Variants in SLC9A1 observed in about 807,000 individuals in gnomAD.
SLC9A1 encodes solute carrier family 9 member A1.
In SLC9A1, 22 loss-of-function variants were observed where a neutral mutation model predicts 67.9. The ratio of observed to expected loss-of-function variants is 0.32; its 90% CI spans 0.23 to 0.46. The LOEUF (loss-of-function observed/expected upper bound fraction) is 0.46. Among genes scored for constraint, SLC9A1 ranks in the 20% least tolerant of loss-of-function variants. The pLI, the probability that SLC9A1 is intolerant of heterozygous loss-of-function variation, is 1.00. For missense variants in SLC9A1, 686 were observed against 1,094.8 expected, an observed-to-expected ratio of 0.63 and a Z score of 5.27; for synonymous variants, 421 against 471.8, an observed-to-expected ratio of 0.89 and a Z score of 1.40.
At chr1:27,105,593 C>T (rs1196357305) in intron 5 of SLC9A1, 27 of 649,000 alleles carry the variant, frequency 4.2e-5, no homozygotes, top group Admixed American at 3.7e-4. Context: ...TCACCGTGCC[C>T]GGCCAGTACC....
intron 5 of SLC9A1, 136 bp downstream of exon 5, chr1:27,105,749 G>A (rs757073636): frequency 1.5e-5 from 12 of 783,362 alleles, no homozygotes; most frequent in Admixed American, 6.0e-5. Context: ...GGAGTGGCTC[G>A]CCCAAGGTCA....
chr1:27,104,478 C>T (rs1000560470), intron 5 of SLC9A1, among the ~76,000 whole-genome samples: 2 of 152,178 alleles, frequency 1.3e-5, no homozygotes, highest in African/African-American at 4.8e-5. Flanking sequence ...GCCTCAATCT[C>T]CTGGGCTCAA....
rs1270466131 is a variant in SLC9A1, at chr1:27,114,913, T to C, written c.353-627A>G. ...TGGGGTCTGCAAACCTGCAAAACAG[T>C]AGGCTTTCCTACTGAGTCCAGGCAG... On this transcript the variant is annotated intron_variant, in intron 1 of 11. Transcript: ENST00000263980. This position sits in a 1 kb window ranked among gnomAD's most constrained non-coding sequence, Gnocchi z 5.4. 6.6e-6 allele frequency among the ~76,000 whole-genome samples: 1 copy of C among 152,096 alleles called. No homozygotes were observed. Among genetic ancestry groups the C allele is most frequent in the Non-Finnish European group, 1.5e-5 (1 of 68,006 alleles).
chr1:27,131,947 A>AAAAAATATATATATATAT, intron 1 of SLC9A1, among the ~76,000 whole-genome samples: 4 of 52,122 alleles, frequency 7.7e-5, no homozygotes, highest in African/African-American at 2.5e-4. Context: ...AGAAAAAAAA[A>AAAAAATATATATATATAT]ATATATATAT....
intron 1 of SLC9A1, among the ~76,000 whole-genome samples, chr1:27,132,608 T>A (rs1397484593): frequency 6.6e-6 from 1 of 152,176 alleles, no homozygotes; most frequent in Non-Finnish European, 1.5e-5. Context: ...GCAGAGAGCC[T>A]AGCATAGGAC....
intron 1 of SLC9A1, among the ~76,000 whole-genome samples, chr1:27,149,139 C>T (rs998117125): frequency 4.6e-5 from 7 of 152,202 alleles, no homozygotes; most frequent in East Asian, 3.8e-4. Flanking sequence ...CTCCCACCAA[C>T]GACATGTGCC....
In SLC9A1 at chr1:27,126,877, T is replaced by C. The variant is rs567884811; in HGVS notation, c.353-12591A>G. ...ACATGGACACTAAGCTCCAGCTGAA[T>C]TGGCCTTTTCCTTGAAGGAAGGGTG... is the stretch of plus-strand genomic sequence containing the variant. On this transcript the variant is annotated intron_variant, in intron 1 of 11. Transcript: ENST00000263980. Among the ~76,000 whole-genome samples the C allele has an allele frequency of 1.1e-4, 17 of 152,358 alleles. No individual in the cohort carries two copies. The East Asian group carries it at 3.1e-3, about 28-fold the overall frequency.
chr1:27,127,137 A>C (rs1462121132), intron 1 of SLC9A1, among the ~76,000 whole-genome samples: 1 of 152,136 alleles, frequency 6.6e-6, no homozygotes, highest in Non-Finnish European at 1.5e-5. Context: ...TGTAACTGGG[A>C]CTACAGGCGC....
chr1:27,141,682 T>C (rs761858253), intron 1 of SLC9A1, among the ~76,000 whole-genome samples: 1 of 152,206 alleles, frequency 6.6e-6, no homozygotes, highest in Non-Finnish European at 1.5e-5. Context: ...CTCTGCACCT[T>C]CCACCAGCCA....
chr1:27,106,051 C>T lies in SLC9A1; in HGVS notation c.1319G>A (p.Arg440His), dbSNP rs1205228090. The change falls in exon 5 of 12, where the codon CGT (arginine) becomes CAT (histidine). Residue 440 changes from arginine (R) to histidine (H), a missense_variant. Around this residue, in one of 7 missense-constraint regions of SLC9A1, gnomAD observed 168 missense variants for 375.4 expected, o/e 0.45. Transcript: ENST00000263980. This position sits in a 1 kb window ranked among gnomAD's most constrained non-coding sequence, Gnocchi z 4.3. ...LGLTWFINKF[R>H]IVKLTPKDQF... ...GTCCTTGGGGGTCAGCTTCACGATA[C>T]GGAACTTGTTGATGAACCAGGTCAG... is the stretch of plus-strand genomic sequence containing the variant. 3 of 1,613,452 alleles carry T rather than the reference C, an allele frequency of 1.9e-6. No individual in the cohort carries two copies. The highest frequency in any genetic ancestry group is 1.1e-5 in the South Asian group (1 of 91,080).
rs1285232932 is a variant in SLC9A1, at chr1:27,118,821, T to A, written c.353-4535A>T. ...ACCTGTCAATGATCACATGTCCAGT[T>A]CTACCCCAGCAGTCTGTGACACTCC... On this transcript the variant is annotated intron_variant, in intron 1 of 11. Coordinates refer to ENST00000263980, the MANE Select transcript of SLC9A1 (RefSeq NM_003047.5). This position sits in a 1 kb window ranked among gnomAD's most constrained non-coding sequence, Gnocchi z 4.3. 6.6e-6 allele frequency among the ~76,000 whole-genome samples: 1 copy of A among 152,072 alleles called. No homozygotes were observed. Among genetic ancestry groups the A allele is most frequent in the African/African-American group, 2.4e-5 (1 of 41,408 alleles).
At chr1:27,123,597 G>T (rs1340003962) in intron 1 of SLC9A1, among the ~76,000 whole-genome samples, 1 of 151,448 alleles carries the variant, frequency 6.6e-6, no homozygotes, top group East Asian at 1.9e-4. Flanking sequence ...TGCAACCTCC[G>T]CCTCCTGGGT....
intron 1 of SLC9A1, among the ~76,000 whole-genome samples, chr1:27,119,042 A>C (rs1390019971): frequency 7.2e-6 from 1 of 139,358 alleles, no homozygotes; most frequent in Non-Finnish European, 1.6e-5. Context: ...AGCTGGAACG[A>C]ACACACACAC....
At chr1:27,146,547 C>T (rs2083486484) in intron 1 of SLC9A1, among the ~76,000 whole-genome samples, 1 of 152,216 alleles carries the variant, frequency 6.6e-6, no homozygotes, top group Non-Finnish European at 1.5e-5. Flanking sequence ...TGAAGTCAGA[C>T]AAATCTGGGC....
chr1:27,115,551 T>C (rs2083266816), intron 1 of SLC9A1, among the ~76,000 whole-genome samples: 2 of 152,056 alleles, frequency 1.3e-5, no homozygotes, highest in Non-Finnish European at 2.9e-5. Context: ...TGGTGGCTCA[T>C]GCCTGTATCC....
Position 27,098,951 on chromosome 1 carries a change from A to T in SLC9A1, c.*1356T>A, listed in dbSNP as rs1284243122. ...GCATGGTGACTCCTGCCCAAACAGC[A>T]CTTGCATGGAGAGGAGGATGGACAG... is the stretch of plus-strand genomic sequence containing the variant. On this transcript the variant is annotated 3_prime_UTR_variant, in exon 12 of 12. Coordinates refer to ENST00000263980, the MANE Select transcript of SLC9A1 (RefSeq NM_003047.5). 3 of 152,718 alleles carry T rather than the reference A, an allele frequency of 2.0e-5. No individual in the cohort carries two copies. The highest frequency in any genetic ancestry group is 4.4e-5 in the Non-Finnish European group (3 of 68,126). 9.5% of individuals were successfully genotyped at this position (152,718 alleles called of 1,614,324 possible).
intron 1 of SLC9A1, among the ~76,000 whole-genome samples, chr1:27,140,107 T>C (rs2083445139): frequency 6.6e-6 from 1 of 151,800 alleles, no homozygotes; most frequent in Non-Finnish European, 1.5e-5. Context: ...CACTCATTCT[T>C]AACCTTCAGG....
In SLC9A1 at chr1:27,100,124, G is replaced by C. The variant is rs1012280422; in HGVS notation, c.*183C>G. Reference sequence around the variant, plus strand: ...TTGGGGAGGCAGCTCTGGTGGGGAGGATGCTTCCCGGGAGGCGGCAGGGGA... The same window carrying C: ...TTGGGGAGGCAGCTCTGGTGGGGAGCATGCTTCCCGGGAGGCGGCAGGGGA... On this transcript the variant is annotated 3_prime_UTR_variant, in exon 12 of 12. Transcript: ENST00000263980. The surrounding 1 kb of genome is among the most constrained non-coding windows in gnomAD (Gnocchi z 5.6). 1 of 486,608 alleles carries C rather than the reference G, an allele frequency of 2.1e-6. No individual in the cohort carries two copies. The allele number at this position is 486,608 out of a possible 1,614,324, so 30.1% of individuals were successfully genotyped here.
chr1:27,101,713 G>A lies in SLC9A1; in HGVS notation c.2037+12C>T, dbSNP rs1344308331. 1.3e-6 allele frequency: 2 copies of A among 1,587,828 alleles called. No individual in the cohort carries two copies. Among genetic ancestry groups the A allele is most frequent in the East Asian group, 2.2e-5 (1 of 44,530 alleles). ...GGTGGGATACAGATTCCCAGAGGAA[G>A]GCAGAGGCTACCTTCTGCTCCAGCT... On this transcript the variant is annotated intron_variant, in intron 10 of 11. Coordinates refer to ENST00000263980, the MANE Select transcript of SLC9A1 (RefSeq NM_003047.5). The surrounding 1 kb of genome is among the most constrained non-coding windows in gnomAD (Gnocchi z 4.9).
Sources: allele counts gnomAD v4.1 joint callset (sites outside exome capture counted in the v4.1 genomes callset), GRCh38; gene constraint gnomAD v4.1.1; regional missense constraint gnomAD v4.1.1; non-coding constraint Gnocchi (gnomAD v3.1); transcripts MANE v1.5; gene names NCBI Gene and HGNC (gene_info 2026-07-23, HGNC 2026-07-21).